Variants in TOM1L1 observed in about 807,000 individuals in gnomAD.
TOM1L1 encodes the protein target of myb1 like 1 membrane trafficking protein.
TOM1L1 carries 64 observed loss-of-function variants against 63.4 expected under a neutral mutation model. The ratio of observed to expected loss-of-function variants is 1.01; its 90% CI spans 0.83 to 1.24. TOM1L1 has a LOEUF of 1.24. TOM1L1 is among the 50% of genes most tolerant of loss of function. The pLI is 0.00. For missense variants in TOM1L1, 536 were observed against 567.0 expected (o/e 0.95, Z 0.55); for synonymous variants, 166 against 194.4 (o/e 0.85, Z 1.22).
intron 14 of TOM1L1, among the ~76,000 whole-genome samples, chr17:54,955,315 G>A (rs1371294060): frequency 2.6e-5 from 4 of 152,282 alleles, no homozygotes; most frequent in Non-Finnish European, 5.9e-5. Context: ...TCAGGTGGTG[G>A]GGAGGTAGGT....
chr17:54,909,616 C>T (rs1395277604), intron 3 of TOM1L1, among the ~76,000 whole-genome samples: 1 of 152,160 alleles, frequency 6.6e-6, no homozygotes, highest in African/African-American at 2.4e-5. Flanking sequence ...TTGTGGCAGG[C>T]TCTTTGTTAT....
intron 8 of TOM1L1, among the ~76,000 whole-genome samples, chr17:54,932,266 G>A (rs1162634840): frequency 6.6e-6 from 1 of 152,184 alleles, no homozygotes; most frequent in Non-Finnish European, 1.5e-5. Flanking sequence ...GATTGAGCAA[G>A]CAGGGAGTAT....
At chr17:54,952,515 T>C (rs67321648) in intron 14 of TOM1L1, 44,039 of 142,422 alleles carry the variant, frequency 0.31, 7,056 homozygotes, top group African/African-American at 0.39. Flanking sequence ...CCCCACTGCA[T>C]TCCAACCTGG....
chr17:54,935,480 G>A (rs112243564), intron 8 of TOM1L1, among the ~76,000 whole-genome samples: 341 of 152,256 alleles, frequency 2.2e-3, no homozygotes, highest in Non-Finnish European at 4.2e-3. Flanking sequence ...GGATCCTGAA[G>A]TCAAATTGTC....
At chr17:54,931,927 T>G (rs1209584216) in intron 8 of TOM1L1, among the ~76,000 whole-genome samples, 1 of 146,998 alleles carries the variant, frequency 6.8e-6, no homozygotes, top group East Asian at 2.1e-4. Context: ...TTGCTTTCTT[T>G]CTTTCTTTTT....
chr17:54,949,460 A>G, intron 12 of TOM1L1, 58 bp from the exon 13 acceptor site: 1 of 1,160,076 alleles, frequency 8.6e-7, no homozygotes, highest in Non-Finnish European at 1.3e-6. Context: ...GAGTCTCAGT[A>G]ATAAAAGAAA....
At chr17:54,922,647 CAT>C (rs1246089884) in intron 7 of TOM1L1, among the ~76,000 whole-genome samples, 5 of 152,072 alleles carry the variant, frequency 3.3e-5, no homozygotes, top group Non-Finnish European at 5.9e-5. Context: ...AGGAAGAGAA[CAT>C]ATATTTACTA....
rs140107003 is a variant in TOM1L1, at chr17:54,915,557, T to C, written c.604-189T>C. Among the ~76,000 whole-genome samples the C allele has an allele frequency of 5.3e-5, 8 of 152,314 alleles. No homozygotes were observed. In the South Asian group the frequency reaches 8.3e-4, roughly 16 times the overall value. ...TTTATTACAAGAGATCTCAAGTCCTTTTAGAAGGTGACAAGGTATACATTT... is the reference window on the plus strand; with the variant it reads ...TTTATTACAAGAGATCTCAAGTCCTCTTAGAAGGTGACAAGGTATACATTT... On this transcript the variant is annotated intron_variant, in intron 6 of 15. Coordinates refer to ENST00000575882, the MANE Select transcript of TOM1L1 (RefSeq NM_005486.3).
intron 1 of TOM1L1, 173 bp downstream of exon 1, chr17:54,901,096 T>C: frequency 1.2e-6 from 1 of 861,480 alleles, no homozygotes; most frequent in Non-Finnish European, 1.8e-6. Flanking sequence ...CTTTCGTCGT[T>C]TCCTTCTTGG....
At chr17:54,935,950 C>T (rs2048938340) in intron 8 of TOM1L1, among the ~76,000 whole-genome samples, 1 of 151,976 alleles carries the variant, frequency 6.6e-6, no homozygotes, top group Admixed American at 6.6e-5. Context: ...TGGAGAAACC[C>T]CGTCTCTACT....
chr17:54,942,807 T>C (rs1233790878), intron 11 of TOM1L1, among the ~76,000 whole-genome samples: 1 of 152,202 alleles, frequency 6.6e-6, no homozygotes. Flanking sequence ...TCAGCAAAAC[T>C]GCCGTGTGCT....
intron 11 of TOM1L1, among the ~76,000 whole-genome samples, chr17:54,944,120 AT>A (rs1352271948): frequency 6.6e-6 from 1 of 151,954 alleles, no homozygotes; most frequent in Admixed American, 6.6e-5. Flanking sequence ...TGATGCTGTA[AT>A]TTTTGCTTAC....
In TOM1L1 at chr17:54,938,838, C is replaced by CT. The variant is rs1414010174; in HGVS notation, c.1034-77dup. On this transcript the variant is annotated intron_variant, in intron 10 of 15. Coordinates refer to ENST00000575882, the MANE Select transcript of TOM1L1 (RefSeq NM_005486.3). Reference sequence around the variant, plus strand: ...TCTTTTTTTTTTCTTTTTCTTTTTTCTTTTTTTTTGTTTTTACTGTAGAAA... The same window carrying CT: ...TCTTTTTTTTTTCTTTTTCTTTTTTCTTTTTTTTTTGTTTTTACTGTAGAAA... The CT allele has an allele frequency of 1.7e-3, 979 of 573,948 alleles. 1 individual carries two copies. The highest frequency in any genetic ancestry group is 2.8e-3 in the Admixed American group (75 of 27,056). The allele number at this position is 573,948 out of a possible 1,614,324, so 35.6% of individuals were successfully genotyped here. A position where few individuals can be genotyped will look rare whatever the true frequency, so the allele number is the denominator to read the frequency against.
At chr17:54,953,876 G>GC (rs2049358518) in intron 14 of TOM1L1, 1 of 152,154 alleles carries the variant, frequency 6.6e-6, no homozygotes, top group Admixed American at 6.5e-5. Context: ...GTACTACTCA[G>GC]CTTTTGGGTC....
chr17:54,909,907 A>G (rs1293523380), intron 3 of TOM1L1, among the ~76,000 whole-genome samples: 6 of 152,198 alleles, frequency 3.9e-5, no homozygotes, highest in Non-Finnish European at 7.3e-5. Flanking sequence ...AATTTTTCCA[A>G]TTTGCCACGT....
At chr17:54,960,081 G>A (rs1343406551) in intron 14 of TOM1L1, among the ~76,000 whole-genome samples, 1 of 152,138 alleles carries the variant, frequency 6.6e-6, no homozygotes, top group Non-Finnish European at 1.5e-5. Context: ...GCAACAATAA[G>A]GCCGGGTGTG....
At position 54,960,571 on chromosome 17, in the gene TOM1L1, T is replaced by C. The variant is rs888855114; in HGVS notation, c.1376T>C (p.Ile459Thr). 1.9e-6 allele frequency: 3 copies of C among 1,613,044 alleles called. No homozygotes were observed. The highest frequency in any genetic ancestry group is 2.7e-5 in the African/African-American group (2 of 75,028). ...PLAPAVTTEA[I>T]YEEIDAHQHK... is the part of the protein sequence containing the mutation. ...CTGTGATGGCTTTGTTTCAGAGCTA[T>C]TTATGAAGAAATTGATGCTCACCAG... is the stretch of plus-strand genomic sequence containing the variant. The change falls in exon 15 of 16, where the codon ATT becomes ACT. Residue 459 changes from isoleucine (I) to threonine (T), a missense_variant. By Grantham distance (89) the Ile-to-Thr change is moderately conservative. Transcript: ENST00000575882.
At chr17:54,931,453 AGG>A (rs1446284624) in intron 8 of TOM1L1, among the ~76,000 whole-genome samples, 3 of 152,140 alleles carry the variant, frequency 2.0e-5, no homozygotes, top group African/African-American at 7.2e-5. Context: ...TTTATTGACT[AGG>A]TTTTTCTTCC....
At chr17:54,901,071 A>G in intron 1 of TOM1L1, 148 bp downstream of exon 1, 1 of 1,048,564 alleles carries the variant, frequency 9.5e-7, no homozygotes, top group East Asian at 2.6e-5. Context: ...AGGCACCCGC[A>G]TTCCACCCGG....
Sources: gnomAD v4.1 joint callset for allele counts (sites outside exome capture counted in the v4.1 genomes callset) on GRCh38, gnomAD v4.1.1 for gene constraint, MANE v1.5 for transcripts, NCBI Gene and HGNC (gene_info 2026-07-23, HGNC 2026-07-21) for gene names.